RBM33: variants seen among roughly 807,000 people sequenced by gnomAD.
The protein encoded by RBM33 is RNA-binding protein 33.
Under a neutral mutation model 132.6 loss-of-function variants are expected in RBM33, and 28 were observed. The observed-to-expected ratio is 0.21, with a 90% confidence interval of 0.16 to 0.29. RBM33 has a LOEUF of 0.29. Ranked by LOEUF, RBM33 falls within the 10% of genes least tolerant of loss-of-function variation. The pLI is 1.00. For synonymous variants in RBM33, 634 were observed against 593.0 expected, an observed-to-expected ratio of 1.07 and a Z score of -1.01; for missense variants, 1,291 against 1,518.5, an observed-to-expected ratio of 0.85 and a Z score of 2.49.
chr7:155,681,846 T>A (rs1799346122), intron 5 of RBM33, among the ~76,000 whole-genome samples: 2 of 152,188 alleles, frequency 1.3e-5, no homozygotes, highest in African/African-American at 4.8e-5. Context: ...GTATGAGTAA[T>A]TTTGAAAAGG....
intron 1 of RBM33, among the ~76,000 whole-genome samples, chr7:155,648,614 TATTTA>T (rs1005506064): frequency 8.6e-6 from 1 of 116,312 alleles, no homozygotes; most frequent in African/African-American, 2.8e-5. Context: ...ATTATGTGTG[TATTTA>T]ATTCTTTTTT....
chr7:155,713,770 A>G (rs1800377188), intron 8 of RBM33, among the ~76,000 whole-genome samples: 1 of 152,236 alleles, frequency 6.6e-6, no homozygotes, highest in African/African-American at 2.4e-5. Context: ...TTTTTATTCT[A>G]AGTTTTTTAT....
chr7:155,680,600 G>A lies in RBM33; in HGVS notation c.259G>A (p.Val87Ile). ...EDEENFSSQG[V>I]TISLNATSGM... is the part of the protein sequence containing the mutation. The stretch of plus-strand genomic sequence containing the variant: ...TTTCGTCCTCTCTAGTTCTCAGGGT[G>A]TTACAATTAGTCTGAATGCTACATC... The change falls in exon 5 of 18, where the codon GTT becomes ATT. Residue 87 changes from valine to isoleucine, a missense_variant. Physicochemically the swap from Val to Ile is conservative, Grantham distance 29. Transcript: ENST00000401878. The A allele has an allele frequency of 6.3e-7, 1 of 1,593,990 alleles. No homozygotes were observed. Among genetic ancestry groups the A allele is most frequent in the Non-Finnish European group, 8.5e-7 (1 of 1,171,952 alleles).
intron 14 of RBM33, among the ~76,000 whole-genome samples, chr7:155,749,192 C>T (rs1175465794): frequency 6.6e-6 from 1 of 152,168 alleles, no homozygotes; most frequent in Non-Finnish European, 1.5e-5. Flanking sequence ...TAAATGAAAG[C>T]TTCTGGTACA....
intron 16 of RBM33, among the ~76,000 whole-genome samples, chr7:155,769,514 G>C (rs1375028659): frequency 6.6e-6 from 1 of 152,152 alleles, no homozygotes; most frequent in Non-Finnish European, 1.5e-5. Context: ...TTGGGGGTAG[G>C]CATGGAAATG....
At chr7:155,674,039 T>C (rs1799106702) in intron 3 of RBM33, among the ~76,000 whole-genome samples, 1 of 144,834 alleles carries the variant, frequency 6.9e-6, no homozygotes, top group African/African-American at 2.6e-5. Flanking sequence ...TGCAAGCTTC[T>C]AGAAGTGATT....
chr7:155,770,481 C>T (rs908477684), intron 16 of RBM33, among the ~76,000 whole-genome samples: 5 of 152,202 alleles, frequency 3.3e-5, no homozygotes, highest in Admixed American at 6.5e-5. Flanking sequence ...CTCCCCCACC[C>T]GCTCTAGTGT....
chr7:155,766,001 G>A (rs1360100668), intron 15 of RBM33, among the ~76,000 whole-genome samples: 2 of 152,204 alleles, frequency 1.3e-5, no homozygotes, highest in African/African-American at 2.4e-5. Context: ...GGTACATGAT[G>A]CTGTGGCTTG....
intron 16 of RBM33, among the ~76,000 whole-genome samples, chr7:155,769,618 C>G (rs1188108793): frequency 6.6e-6 from 1 of 152,116 alleles, no homozygotes; most frequent in African/African-American, 2.4e-5. Context: ...GTGGGATCAT[C>G]TCGGCGTCTG....
intron 1 of RBM33, among the ~76,000 whole-genome samples, chr7:155,662,653 T>C (rs1399085216): frequency 1.3e-5 from 2 of 151,972 alleles, no homozygotes; most frequent in African/African-American, 4.8e-5. Flanking sequence ...GTCTCCTCAA[T>C]TTGACTTTCT....
rs1477956603 is a variant in RBM33 at position 155,739,929 on chromosome 7, C to G, written c.1952C>G (p.Pro651Arg). Residue 651 changes from proline (P) to arginine (R), a missense_variant, in exon 12 of 18, where the codon CCG (proline) becomes CGG (arginine). Physicochemically the swap from Pro to Arg is moderately radical, Grantham distance 103. Around this residue, in one of 7 missense-constraint regions of RBM33, gnomAD observed 841 missense variants for 912.0 expected, o/e 0.92. Transcript: ENST00000401878. The part of the protein sequence containing the change: ...HLSVPPPPLM[P>R]MSQPQFRPHV... ...TCCGTCCCGCCCCCTCCTTTGATGC[C>G]GATGTCTCAGCCACAGTTCCGGCCT... 2 of 1,552,142 alleles carry G rather than the reference C, an allele frequency of 1.3e-6. No homozygotes were observed. Among genetic ancestry groups the G allele is most frequent in the Admixed American group, 2.0e-5 (1 of 50,974 alleles).
At chr7:155,760,061 C>T (rs1250512894) in intron 14 of RBM33, among the ~76,000 whole-genome samples, 1 of 152,228 alleles carries the variant, frequency 6.6e-6, no homozygotes, top group Non-Finnish European at 1.5e-5. Context: ...GCTATAATCT[C>T]TCTTAGCACA....
At chr7:155,730,102 C>T (rs1431963315) in intron 9 of RBM33, among the ~76,000 whole-genome samples, 3 of 152,180 alleles carry the variant, frequency 2.0e-5, no homozygotes, top group Admixed American at 1.3e-4. Context: ...TTTATGACCG[C>T]CTGTGTGCCA....
intron 14 of RBM33, among the ~76,000 whole-genome samples, chr7:155,755,420 C>G (rs1018547646): frequency 6.6e-6 from 1 of 152,126 alleles, no homozygotes; most frequent in African/African-American, 2.4e-5. Flanking sequence ...TTTCATAATA[C>G]CTTTACAGAA....
chr7:155,746,815 G>A (rs1801531960), intron 14 of RBM33: 1 of 152,134 alleles, frequency 6.6e-6, no homozygotes, highest in Non-Finnish European at 1.5e-5. Flanking sequence ...TGTAAACATA[G>A]GCTTCTAGAG....
intron 8 of RBM33, among the ~76,000 whole-genome samples, chr7:155,715,550 T>C (rs1378184187): frequency 6.6e-6 from 1 of 152,168 alleles, no homozygotes; most frequent in Non-Finnish European, 1.5e-5. Flanking sequence ...TAGCAACTAC[T>C]CCAAGGTCAG....
intron 14 of RBM33, among the ~76,000 whole-genome samples, chr7:155,749,551 G>A (rs149000206): frequency 5.6e-4 from 86 of 152,282 alleles, no homozygotes; most frequent in Non-Finnish European, 1.0e-3. Flanking sequence ...TCTACTATTA[G>A]CAGTCTAGAT....
intron 14 of RBM33, among the ~76,000 whole-genome samples, chr7:155,762,048 G>T (rs1232939225): frequency 6.6e-6 from 1 of 152,182 alleles, no homozygotes; most frequent in Non-Finnish European, 1.5e-5. Flanking sequence ...TAGCTTAGTG[G>T]CCAGCCAGCG....
At chr7:155,764,111 C>A in intron 15 of RBM33, 93 bp downstream of exon 15, 1 of 931,926 alleles carries the variant, frequency 1.1e-6, no homozygotes, top group Non-Finnish European at 1.6e-6. Context: ...GCATGGCACA[C>A]AGTAGTACTC....
Sources: allele counts gnomAD v4.1 joint callset (sites outside exome capture counted in the v4.1 genomes callset), GRCh38; gene constraint gnomAD v4.1.1; regional missense constraint gnomAD v4.1.1; transcripts MANE v1.5; gene names NCBI Gene and HGNC (gene_info 2026-07-23, HGNC 2026-07-21).